AGBL4: variants seen among roughly 807,000 people sequenced by gnomAD.
AGBL4 encodes cytosolic carboxypeptidase 6.
A neutral mutation model predicts 66.4 loss-of-function variants in AGBL4; 58 were observed. That is an observed-to-expected ratio of 0.87 (90% CI 0.71 to 1.09). The LOEUF is 1.09. Ranked by LOEUF, AGBL4 falls within the 50% of genes least tolerant of loss-of-function variation. AGBL4 has a pLI of 0.00. For synonymous variants in AGBL4, 234 were observed against 222.9 expected, an observed-to-expected ratio of 1.05 and a Z score of -0.44; for missense variants, 579 against 631.0, an observed-to-expected ratio of 0.92 and a Z score of 0.88.
chr1:49,066,146 G>T (rs772692525), intron 4 of AGBL4, among the ~76,000 whole-genome samples: 1 of 152,186 alleles, frequency 6.6e-6, no homozygotes, highest in Admixed American at 6.5e-5. Flanking sequence ...GAAGATTCAC[G>T]TGAGAGCATG....
intron 3 of AGBL4, among the ~76,000 whole-genome samples, chr1:49,357,179 C>T (rs1644037623): frequency 6.6e-6 from 1 of 152,146 alleles, no homozygotes; most frequent in Admixed American, 6.6e-5. Flanking sequence ...CTTTATCTGT[C>T]AGGCTGTTTC....
At chr1:49,478,096 T>C (rs1320636424) in intron 3 of AGBL4, among the ~76,000 whole-genome samples, 2 of 151,758 alleles carry the variant, frequency 1.3e-5, no homozygotes, top group East Asian at 3.9e-4. Context: ...AAAGAGCAAA[T>C]CTAAGAGTCA....
intron 4 of AGBL4, among the ~76,000 whole-genome samples, chr1:49,089,171 C>T (rs1644959206): frequency 6.6e-6 from 1 of 151,176 alleles, no homozygotes; most frequent in African/African-American, 2.4e-5. Flanking sequence ...AAGTTAACCA[C>T]CTAATATCAC....
intron 3 of AGBL4, among the ~76,000 whole-genome samples, chr1:49,576,637 A>T (rs1644441998): frequency 6.6e-6 from 1 of 152,220 alleles, no homozygotes; most frequent in Admixed American, 6.5e-5. Context: ...GGTCATGCAC[A>T]GCAGCGTTCC....
intron 3 of AGBL4, among the ~76,000 whole-genome samples, chr1:49,349,148 G>T (rs1440017142): frequency 1.3e-5 from 2 of 152,212 alleles, no homozygotes; most frequent in East Asian, 3.9e-4. Context: ...AAACTATTGT[G>T]AAACTGTTTT....
intron 4 of AGBL4, among the ~76,000 whole-genome samples, chr1:49,211,970 T>C (rs535367910): frequency 3.4e-4 from 52 of 152,196 alleles, no homozygotes; most frequent in Non-Finnish European, 6.9e-4. Context: ...TTATCACATG[T>C]GATGTCACTC....
At chr1:49,542,169 A>G (rs907501228) in intron 3 of AGBL4, among the ~76,000 whole-genome samples, 2 of 152,202 alleles carry the variant, frequency 1.3e-5, no homozygotes, top group African/African-American at 4.8e-5. Context: ...TCTCTGTAAA[A>G]TGGACCAATC....
At chr1:49,179,994 C>T (rs531055332) in intron 4 of AGBL4, among the ~76,000 whole-genome samples, 14 of 152,102 alleles carry the variant, frequency 9.2e-5, no homozygotes, top group Non-Finnish European at 1.9e-4. Context: ...CTCTGCCTCC[C>T]GGGTTCAAGC....
At chr1:48,947,840 T>TTC (rs149584451) in intron 5 of AGBL4, among the ~76,000 whole-genome samples, 1 of 151,946 alleles carries the variant, frequency 6.6e-6, no homozygotes, top group African/African-American at 2.4e-5. Flanking sequence ...AATTTTTTTT[T>TTC]TCTCTCTCTC....
chr1:49,011,973 T>TA (rs1048810499), intron 5 of AGBL4, among the ~76,000 whole-genome samples: 4 of 151,078 alleles, frequency 2.6e-5, no homozygotes, highest in Non-Finnish European at 5.9e-5. Flanking sequence ...ATGGCACATA[T>TA]ATACATATGT....
At chr1:49,589,629 A>C (rs1644716400) in intron 3 of AGBL4, among the ~76,000 whole-genome samples, 1 of 152,152 alleles carries the variant, frequency 6.6e-6, no homozygotes, top group Non-Finnish European at 1.5e-5. Context: ...AATATTTCAT[A>C]TAATCAAATT....
intron 3 of AGBL4, among the ~76,000 whole-genome samples, chr1:49,350,117 C>A (rs1251810643): frequency 6.6e-6 from 1 of 151,960 alleles, no homozygotes; most frequent in Non-Finnish European, 1.5e-5. Flanking sequence ...GATATATGTC[C>A]ACTCTGTGTC....
At chr1:50,014,681 C>T (rs959123518) in intron 1 of AGBL4, among the ~76,000 whole-genome samples, 1 of 151,624 alleles carries the variant, frequency 6.6e-6, no homozygotes, top group Non-Finnish European at 1.5e-5. Context: ...CAAGCCAACA[C>T]GCCCGGCTAA....
At chr1:49,970,716 C>CACAT (rs1553155093) in intron 1 of AGBL4, among the ~76,000 whole-genome samples, 2 of 127,880 alleles carry the variant, frequency 1.6e-5, no homozygotes, top group Admixed American at 1.8e-4. Context: ...AAAACACACA[C>CACAT]ACACACACAC....
intron 3 of AGBL4, among the ~76,000 whole-genome samples, chr1:49,520,537 T>C (rs571723669): frequency 6.6e-6 from 1 of 152,190 alleles, no homozygotes; most frequent in East Asian, 1.9e-4. Context: ...CTGTTGCTTC[T>C]ATCTCTACTT....
intron 4 of AGBL4, among the ~76,000 whole-genome samples, chr1:49,178,615 C>T (rs1364906515): frequency 6.6e-6 from 1 of 152,100 alleles, no homozygotes; most frequent in Non-Finnish European, 1.5e-5. Context: ...TAATAGAATA[C>T]AAACCTGTCA....
intron 11 of AGBL4, among the ~76,000 whole-genome samples, chr1:48,581,694 C>A (rs981496287): frequency 2.6e-5 from 4 of 152,174 alleles, no homozygotes; most frequent in Non-Finnish European, 5.9e-5. Context: ...GAAGGAAAGG[C>A]AAGGGACCTA....
Position 48,758,935 on chromosome 1 carries a change from C to T in AGBL4, c.635-95694G>A, listed in dbSNP as rs746410856. On this transcript the variant is annotated intron_variant, in intron 6 of 13. Coordinates refer to ENST00000371839, the MANE Select transcript of AGBL4 (RefSeq NM_032785.4). The stretch of plus-strand genomic sequence containing the variant: ...CCGCAGGAGCAGCACGTCCTGGAGC[C>T]TCCGGTTAAGGTCACGGAGCTCCTT... 3.2e-6 allele frequency: 5 copies of T among 1,573,996 alleles called. No homozygotes were observed. The African/African-American group carries it at 5.4e-5, about 17-fold the overall frequency.
intron 4 of AGBL4, among the ~76,000 whole-genome samples, chr1:49,221,954 C>A (rs1267499809): frequency 6.6e-6 from 1 of 152,132 alleles, no homozygotes; most frequent in Non-Finnish European, 1.5e-5. Context: ...TTTTACCATT[C>A]AGCTCTGGTT....
Sources: gnomAD v4.1 joint callset for allele counts (sites outside exome capture counted in the v4.1 genomes callset) on GRCh38, gnomAD v4.1.1 for gene constraint, MANE v1.5 for transcripts, NCBI Gene and HGNC (gene_info 2026-07-23, HGNC 2026-07-21) for gene names.